RUFY2: variants seen among roughly 807,000 people sequenced by gnomAD.
RUFY2 encodes RUN and FYVE domain containing 2.
In RUFY2, 49 loss-of-function variants were observed where a neutral mutation model predicts 94.4. The ratio of observed to expected loss-of-function variants is 0.52; its 90% CI spans 0.41 to 0.66. The LOEUF is 0.66. RUFY2 is among the 30% of genes least tolerant of loss of function. The pLI, the probability that RUFY2 is intolerant of heterozygous loss-of-function variation, is 0.00. For missense variants in RUFY2, 541 were observed against 692.8 expected, an observed-to-expected ratio of 0.78 and a Z score of 2.46; for synonymous variants, 255 against 235.7, an observed-to-expected ratio of 1.08 and a Z score of -0.75.
rs1468549607 is a variant in RUFY2, at chr10:68,344,874, CCAAAG to C, written c.*889_*893del. On this transcript the variant is annotated 3_prime_UTR_variant, in exon 18 of 18. Transcript: ENST00000602465. ...TTTTGAACTGAACTCTAATACATTA[CCAAAG>C]CAAAGTCCTGATTTTTTTCTCACTT... The C allele has an allele frequency of 2.6e-5, 4 of 152,112 alleles. No individual in the cohort carries two copies. The highest frequency in any genetic ancestry group is 6.6e-5 in the Admixed American group (1 of 15,254). The allele number at this position is 152,112 out of a possible 1,614,324, so 9.4% of individuals were successfully genotyped here.
intron 12 of RUFY2, chr10:68,377,884 C>G: frequency 1.0e-5 from 10 of 985,268 alleles, no homozygotes; most frequent in Non-Finnish European, 1.2e-5. Flanking sequence ...ACCAATGGAG[C>G]AACCCTCACA....
At chr10:68,353,584 G>A (rs975011339) in intron 16 of RUFY2, among the ~76,000 whole-genome samples, 13 of 151,884 alleles carry the variant, frequency 8.6e-5, no homozygotes, top group Admixed American at 7.2e-4. Flanking sequence ...AGGACTGCCC[G>A]AGGACAGGTG....
At chr10:68,405,033 G>A (rs562105481) in intron 1 of RUFY2, among the ~76,000 whole-genome samples, 189 bp from the exon 2 acceptor site, 2 of 152,082 alleles carry the variant, frequency 1.3e-5, no homozygotes, top group African/African-American at 4.8e-5. Context: ...AAAAATTTCC[G>A]GCCAGGCGCG....
rs115278262 is a variant in RUFY2, at chr10:68,405,951, A to T, written c.5-1107T>A. 3.8e-3 allele frequency among the ~76,000 whole-genome samples: 572 copies of T among 152,334 alleles called. 8 individuals are homozygous for T. The highest frequency in any genetic ancestry group is 0.013 in the African/African-American group (548 of 41,576). On this transcript the variant is annotated intron_variant, in intron 1 of 17. Transcript: ENST00000602465. ...TCATCAAGTAAGATATTTTCAATTC[A>T]CAAAAATATTGTCCTCCTTCCCGCA...
chr10:68,343,785 A>T lies in RUFY2; in HGVS notation c.*1983T>A, dbSNP rs2046111967. 6.6e-6 allele frequency: 1 copy of T among 150,420 alleles called. No individual in the cohort carries two copies. Among genetic ancestry groups the T allele is most frequent in the Non-Finnish European group, 1.5e-5 (1 of 67,688 alleles). 9.3% of individuals were successfully genotyped at this position (150,420 alleles called of 1,614,324 possible). ...TAAATAAGCCAAAACTACATGGAGCAAGTTGCTGTCATAAAAGCTGCCTAA... is the reference window on the plus strand; with the variant it reads ...TAAATAAGCCAAAACTACATGGAGCTAGTTGCTGTCATAAAAGCTGCCTAA... On this transcript the variant is annotated 3_prime_UTR_variant, in exon 18 of 18. Coordinates refer to ENST00000602465, the MANE Select transcript of RUFY2 (RefSeq NM_001330103.2).
intron 16 of RUFY2, among the ~76,000 whole-genome samples, 186 bp downstream of exon 16, chr10:68,355,163 AAAGG>A (rs1488574587): frequency 2.6e-5 from 4 of 152,066 alleles, no homozygotes; most frequent in South Asian, 2.1e-4. Context: ...GTCAGTTTCT[AAAGG>A]AAGGTTATTA....
At chr10:68,391,494 T>A (rs1022301426) in intron 7 of RUFY2, among the ~76,000 whole-genome samples, 6 of 149,848 alleles carry the variant, frequency 4.0e-5, no homozygotes, top group African/African-American at 1.5e-4. Flanking sequence ...ATGAAAAAAT[T>A]TAAAATTACT....
chr10:68,347,142 A>G (rs1023707935), intron 16 of RUFY2, among the ~76,000 whole-genome samples: 3 of 152,124 alleles, frequency 2.0e-5, no homozygotes, highest in Non-Finnish European at 2.9e-5. Flanking sequence ...AAGAGGGGAA[A>G]AAAAAAGGAC....
At chr10:68,404,987 G>T in intron 1 of RUFY2, 143 bp from the exon 2 acceptor site, 2 of 662,648 alleles carry the variant, frequency 3.0e-6, no homozygotes, top group Non-Finnish European at 4.8e-6. Flanking sequence ...CCACACCCTT[G>T]ATTAACTTCT....
At chr10:68,405,475 ATCT>A (rs544824658) in intron 1 of RUFY2, 3 of 974,842 alleles carry the variant, frequency 3.1e-6, no homozygotes, top group African/African-American at 1.8e-5. Context: ...TTTTAAAATG[ATCT>A]TCTATGGAGA....
chr10:68,390,468 G>C (rs1450458688), intron 7 of RUFY2, among the ~76,000 whole-genome samples: 3 of 151,962 alleles, frequency 2.0e-5, no homozygotes, highest in Admixed American at 1.3e-4. Flanking sequence ...AATATTACTC[G>C]CTATACCTGT....
chr10:68,387,740 C>T (rs1421421982), intron 7 of RUFY2, among the ~76,000 whole-genome samples: 1 of 125,914 alleles, frequency 7.9e-6, no homozygotes, highest in Non-Finnish European at 1.7e-5. Context: ...CACAGTGGCT[C>T]ACACCCATAA....
chr10:68,374,492 G>T (rs1217500108), intron 13 of RUFY2, among the ~76,000 whole-genome samples: 1 of 151,994 alleles, frequency 6.6e-6, no homozygotes, highest in Admixed American at 6.6e-5. Flanking sequence ...GAATATGTAG[G>T]CACCAAGTAA....
chr10:68,368,357 G>A (rs1048035983), intron 13 of RUFY2, among the ~76,000 whole-genome samples: 1 of 151,758 alleles, frequency 6.6e-6, no homozygotes, highest in Non-Finnish European at 1.5e-5. Context: ...TATTATATTT[G>A]AGAAATATTA....
chr10:68,395,577 A>G (rs559346860), intron 4 of RUFY2, among the ~76,000 whole-genome samples: 1 of 152,336 alleles, frequency 6.6e-6, no homozygotes, highest in South Asian at 2.1e-4. Context: ...TTAATAGATA[A>G]TCATCAATTA....
intron 15 of RUFY2, among the ~76,000 whole-genome samples, chr10:68,361,469 C>T (rs2047459799): frequency 6.6e-6 from 1 of 152,136 alleles, no homozygotes. Context: ...ATAGTAGAAG[C>T]TCAATAAGTG....
rs1038238030 is a variant in RUFY2 at position 68,376,979 on chromosome 10, T to C, written c.1206-7A>G. Reference sequence around the variant, plus strand: ...CTTCTCTGCTTGCTGCAATCTGGTGTAATTCAAATCAACTTTGGGTAAAAC... The same window carrying C: ...CTTCTCTGCTTGCTGCAATCTGGTGCAATTCAAATCAACTTTGGGTAAAAC... On this transcript the variant is annotated splice_region_variant and splice_polypyrimidine_tract_variant and intron_variant, in intron 12 of 17. Transcript: ENST00000602465. 1.2e-6 allele frequency: 2 copies of C among 1,613,296 alleles called. No homozygotes were observed. The highest frequency in any genetic ancestry group is 1.7e-5 in the Admixed American group (1 of 59,934).
chr10:68,365,715 T>C (rs2047760262), intron 13 of RUFY2, among the ~76,000 whole-genome samples: 1 of 152,256 alleles, frequency 6.6e-6, no homozygotes, highest in Admixed American at 6.5e-5. Context: ...AATTATGCAG[T>C]AGAAACTTAA....
At chr10:68,356,741 G>A (rs2047079483) in intron 15 of RUFY2, among the ~76,000 whole-genome samples, 1 of 151,592 alleles carries the variant, frequency 6.6e-6, no homozygotes. Context: ...TAGAGACCGG[G>A]TTTCACCACG....
Sources: gnomAD v4.1 joint callset for allele counts (sites outside exome capture counted in the v4.1 genomes callset) on GRCh38, gnomAD v4.1.1 for gene constraint, MANE v1.5 for transcripts, NCBI Gene and HGNC (gene_info 2026-07-23, HGNC 2026-07-21) for gene names.